Variants in NBEA observed in about 807,000 individuals in gnomAD.
NBEA encodes lysosomal-trafficking regulator 2.
NBEA carries 44 observed loss-of-function variants against 343.4 expected under a neutral mutation model. The ratio of observed to expected loss-of-function variants is 0.13; its 90% CI spans 0.10 to 0.16. The LOEUF (loss-of-function observed/expected upper bound fraction) is 0.16, where lower values mean the gene tolerates loss of function less well. Ranked by LOEUF, NBEA falls within the 10% of genes least tolerant of loss-of-function variation. NBEA has a pLI of 1.00. For synonymous variants in NBEA, 1,175 were observed against 1,238.7 expected, an observed-to-expected ratio of 0.95 and a Z score of 1.08; for missense variants, 2,555 against 3,631.3, an observed-to-expected ratio of 0.70 and a Z score of 7.62.
intron 41 of NBEA, among the ~76,000 whole-genome samples, chr13:35,482,640 G>T: frequency 6.6e-6 from 1 of 151,004 alleles, no homozygotes; most frequent in African/African-American, 2.4e-5. Flanking sequence ...AAAAAAAGTG[G>T]GAACCTAGTG....
chr13:35,479,269 C>A (rs763959125), intron 41 of NBEA, among the ~76,000 whole-genome samples: 2 of 152,174 alleles, frequency 1.3e-5, no homozygotes, highest in South Asian at 4.2e-4. Flanking sequence ...TTCACCGGTC[C>A]GCGATTATCA....
At chr13:35,287,715 G>A (rs1438407001) in intron 34 of NBEA, among the ~76,000 whole-genome samples, 1 of 151,812 alleles carries the variant, frequency 6.6e-6, no homozygotes, top group East Asian at 1.9e-4. Context: ...ATCAAATATT[G>A]CCATCTTATT....
intron 38 of NBEA, among the ~76,000 whole-genome samples, chr13:35,379,610 CT>C (rs1343069679): frequency 1.3e-5 from 2 of 151,704 alleles, no homozygotes; most frequent in African/African-American, 4.8e-5. Flanking sequence ...CAAAGATGTT[CT>C]CTTAGGTTTT....
chr13:35,116,763 T>C (rs2066511903), intron 13 of NBEA, among the ~76,000 whole-genome samples: 1 of 152,018 alleles, frequency 6.6e-6, no homozygotes, highest in Non-Finnish European at 1.5e-5. Flanking sequence ...ATATTATGCA[T>C]ATTAGAATAT....
At chr13:35,228,112 C>T (rs776280072) in intron 33 of NBEA, among the ~76,000 whole-genome samples, 15 of 151,944 alleles carry the variant, frequency 9.9e-5, no homozygotes, top group East Asian at 1.9e-4. Flanking sequence ...TTTATTCATA[C>T]GAATTTCTTA....
chr13:35,002,725 C>T (rs1439731578), intron 1 of NBEA, among the ~76,000 whole-genome samples: 1 of 152,026 alleles, frequency 6.6e-6, no homozygotes, highest in Non-Finnish European at 1.5e-5. Flanking sequence ...CATCTTTTGC[C>T]AATGAGAAAT....
At chr13:35,285,995 T>C (rs1241094758) in intron 34 of NBEA, among the ~76,000 whole-genome samples, 1 of 152,148 alleles carries the variant, frequency 6.6e-6, no homozygotes, top group Non-Finnish European at 1.5e-5. Context: ...CTTCCTTTCT[T>C]TCTACTTTTT....
rs139134555 is a variant in NBEA, at chr13:35,047,201, TTG to T, written c.724-1336_724-1335del. Reference sequence around the variant, plus strand: ...ATAGGGTTTAACTCTTCATTTGAAATTGTGTGTGTGTGTGTGTGTGTGTGTGT... The same window carrying T: ...ATAGGGTTTAACTCTTCATTTGAAATTGTGTGTGTGTGTGTGTGTGTGTGT... On this transcript the variant is annotated intron_variant, in intron 4 of 58. Transcript: ENST00000379939. Among the ~76,000 whole-genome samples the T allele has an allele frequency of 4.2e-3, 616 of 147,802 alleles. 4 individuals are homozygous for T. The highest frequency in any genetic ancestry group is 0.01 in the Middle Eastern group (3 of 286).
chr13:35,408,850 C>T (rs2043418434), intron 38 of NBEA, among the ~76,000 whole-genome samples: 1 of 152,106 alleles, frequency 6.6e-6, no homozygotes, highest in Admixed American at 6.6e-5. Context: ...TCAAAAACAA[C>T]AGATGCTGGT....
At chr13:35,318,147 A>G (rs2037878018) in intron 36 of NBEA, among the ~76,000 whole-genome samples, 1 of 152,060 alleles carries the variant, frequency 6.6e-6, no homozygotes, top group African/African-American at 2.4e-5. Flanking sequence ...GTTGAAGAGG[A>G]GTGGTGAGAG....
chr13:35,109,428 C>T lies in NBEA; in HGVS notation c.1819C>T (p.His607Tyr). Residue 607 changes from histidine to tyrosine, a missense_variant, in exon 12 of 59, where the codon CAT becomes TAT. Physicochemically the swap from His to Tyr is moderately conservative, Grantham distance 83. Coordinates refer to ENST00000379939, the MANE Select transcript of NBEA (RefSeq NM_001385012.1). Reference sequence around the variant, plus strand: ...TTTATTTAACCCAGCCATCTGGATACATACACCTGCAAAGGTATGAATTTT... The same window carrying T: ...TTTATTTAACCCAGCCATCTGGATATATACACCTGCAAAGGTATGAATTTT... ...HILFNPAIWIHTPAKVQLSLY... is the reference protein window; with the variant it reads ...HILFNPAIWIYTPAKVQLSLY... 1 of 1,608,220 alleles carries T rather than the reference C, an allele frequency of 6.2e-7. No homozygotes were observed.
chr13:35,059,633 CAATTT>C (rs1307226825), intron 8 of NBEA, among the ~76,000 whole-genome samples: 1 of 151,220 alleles, frequency 6.6e-6, no homozygotes, highest in Non-Finnish European at 1.5e-5. Flanking sequence ...TTATTGAACT[CAATTT>C]AAATAATTAA....
intron 39 of NBEA, among the ~76,000 whole-genome samples, chr13:35,434,995 G>C (rs1026980985): frequency 5.3e-5 from 8 of 152,104 alleles, no homozygotes; most frequent in African/African-American, 1.9e-4. Flanking sequence ...AAAAAGATAA[G>C]ATAGATTATT....
At chr13:35,105,514 T>C (rs527395969) in intron 11 of NBEA, among the ~76,000 whole-genome samples, 50 of 152,148 alleles carry the variant, frequency 3.3e-4, no homozygotes, top group African/African-American at 1.2e-3. Flanking sequence ...ATTGGCGCTA[T>C]AGACCTTCAC....
intron 41 of NBEA, among the ~76,000 whole-genome samples, chr13:35,511,978 T>C (rs1028233682): frequency 1.3e-5 from 2 of 152,226 alleles, no homozygotes; most frequent in Admixed American, 1.3e-4. Context: ...TTGATATTTA[T>C]AATTGACTCT....
intron 46 of NBEA, among the ~76,000 whole-genome samples, chr13:35,586,543 A>C (rs1336712313): frequency 6.6e-6 from 1 of 152,244 alleles, no homozygotes; most frequent in African/African-American, 2.4e-5. Context: ...CAAAGTTATT[A>C]AATCAGTCTA....
chr13:35,373,714 A>C (rs2041579972), intron 38 of NBEA, among the ~76,000 whole-genome samples: 1 of 151,570 alleles, frequency 6.6e-6, no homozygotes, highest in African/African-American at 2.4e-5. Context: ...CAAAAATAAT[A>C]ATAATAATAA....
chr13:35,632,591 C>A (rs1173647420), intron 49 of NBEA, among the ~76,000 whole-genome samples: 1 of 151,704 alleles, frequency 6.6e-6, no homozygotes, highest in Admixed American at 6.6e-5. Context: ...TCATCAAAAC[C>A]TCACCCCTCC....
At chr13:35,504,980 C>A (rs371953961) in intron 41 of NBEA, among the ~76,000 whole-genome samples, 53 of 152,162 alleles carry the variant, frequency 3.5e-4, no homozygotes, top group African/African-American at 1.3e-3. Context: ...CTACGATTAT[C>A]GGAACCTCAT....
Sources: gnomAD v4.1 joint callset for allele counts (sites outside exome capture counted in the v4.1 genomes callset) on GRCh38, gnomAD v4.1.1 for gene constraint, MANE v1.5 for transcripts, NCBI Gene and HGNC (gene_info 2026-07-23, HGNC 2026-07-21) for gene names.